CCDC32: variants seen among roughly 807,000 people sequenced by gnomAD.
CCDC32 encodes the protein coiled-coil domain containing 32, also known as coiled-coil domain-containing protein 32.
CCDC32 carries 9 observed loss-of-function variants against 20.1 expected under a neutral mutation model. The observed-to-expected ratio is 0.45, with a 90% CI of 0.27 to 0.78. CCDC32 has a LOEUF of 0.78. CCDC32 is among the 30% of genes least tolerant of loss of function. The pLI is 0.16. For synonymous variants in CCDC32, 63 were observed against 79.0 expected (o/e 0.80, Z 1.07); for missense variants, 204 against 215.5 (o/e 0.95, Z 0.33).
downstream of CCDC32, among the ~76,000 whole-genome samples, chr15:40,524,739 C>CTTTTTTTTTTTTTTTTTTT (rs758786719): frequency 1.0e-5 from 1 of 95,244 alleles, no homozygotes; most frequent in African/African-American, 5.7e-5. Context: ...CTTTTTCTTT[C>CTTTTTTTTTTTTTTTTTTT]TTTTTTTTTT....
At chr15:40,534,719 CTGGCCCCTTTTTGTAAGGGCACT>C, downstream of CCDC32, 1 of 594,218 alleles carries the variant, frequency 1.7e-6, no homozygotes, top group Non-Finnish European at 3.0e-6. Context: ...AGCTAGGTCT[CTGGCCCCTTTTTGTAAGGGCACT>C]AATCCCATTG....
chr15:40,562,753 C>G lies in CCDC32; in HGVS notation c.244+19G>C. The G allele has an allele frequency of 6.2e-7, 1 of 1,606,968 alleles. No individual in the cohort carries two copies. On this transcript the variant is annotated intron_variant, in intron 2 of 3. Coordinates refer to ENST00000416810, the MANE Select transcript of CCDC32 (RefSeq NM_001080792.4). ...TGTAACAGAACTTCAATATGCTTCC[C>G]TAGAGCCGTCAAACTTACCTAGAGA... is the stretch of plus-strand genomic sequence containing the variant.
intron 3 of CCDC32, chr15:40,539,399 G>A: frequency 6.8e-7 from 1 of 1,471,606 alleles, no homozygotes; most frequent in Non-Finnish European, 9.2e-7. Flanking sequence ...AAGATAGACA[G>A]ATACAGTCAG....
rs187163803 is a variant in CCDC32, at chr15:40,539,410, A to T, written c.402-55T>A. The T allele has an allele frequency of 4.2e-6, 6 of 1,418,792 alleles. No homozygotes were observed. In the African/African-American group the frequency reaches 7.1e-5, roughly 17 times the overall value. The allele number at this position is 1,418,792 out of a possible 1,614,324, so 87.9% of individuals were successfully genotyped here. A position where few individuals can be genotyped will look rare whatever the true frequency, so the allele number is the denominator to read the frequency against. ...GAGGAAGATAGACAGATACAGTCAG[A>T]GGCACACACTAACAGAGTCAAAGAG... On this transcript the variant is annotated intron_variant, in intron 3 of 3. Transcript: ENST00000558113.
downstream of CCDC32, among the ~76,000 whole-genome samples, chr15:40,530,849 T>C (rs954041341): frequency 2.1e-4 from 32 of 151,116 alleles, no homozygotes; most frequent in African/African-American, 6.8e-4. Flanking sequence ...GTAGCTGGGA[T>C]TATAGGCGTG....
At chr15:40,532,112 T>C, downstream of CCDC32, 1 of 517,190 alleles carries the variant, frequency 1.9e-6, no homozygotes, top group East Asian at 3.1e-5. Flanking sequence ...TTATGGGTTC[T>C]CGCTCAAGGT....
chr15:40,553,583 C>T lies in CCDC32; in HGVS notation c.*388G>A, dbSNP rs532582253. ...GGAAGAGGCAAGAAAATATATGGCT[C>T]ACTTAACTTACACATTACACATAAG... On this transcript the variant is annotated 3_prime_UTR_variant, in exon 4 of 4. Transcript: ENST00000416810. 19 of 999,186 alleles carry T rather than the reference C, an allele frequency of 1.9e-5. No homozygotes were observed. In the South Asian group the frequency reaches 6.0e-4, roughly 32 times the overall value. 61.9% of individuals were successfully genotyped at this position (999,186 alleles called of 1,614,324 possible).
rs57640161 is a variant in CCDC32, at chr15:40,547,002, CTA to C, written c.402-7649_402-7648del. 3.4e-3 allele frequency among the ~76,000 whole-genome samples: 515 copies of C among 152,256 alleles called. 4 individuals carry two copies. Among genetic ancestry groups the C allele is most frequent in the African/African-American group, 0.012 (497 of 41,542 alleles). Reference sequence around the variant, plus strand: ...ACAAGTGTGAGCCATAGCGCCTGACCTATGTTTTGCAGTTTTTTAACTGAATG... The same window carrying C: ...ACAAGTGTGAGCCATAGCGCCTGACCTGTTTTGCAGTTTTTTAACTGAATG... On this transcript the variant is annotated intron_variant, in intron 3 of 3. Transcript: ENST00000558113.
At position 40,557,322 on chromosome 15, in the gene CCDC32, C is replaced by A. The variant is rs764342494; in HGVS notation, c.295G>T (p.Asp99Tyr). 2 of 1,613,892 alleles carry A rather than the reference C, an allele frequency of 1.2e-6. No individual in the cohort carries two copies. Among genetic ancestry groups the A allele is most frequent in the Non-Finnish European group, 1.7e-6 (2 of 1,179,962 alleles). ...GCTTGGGCCAGAGTTCGAAGCATGT[C>A]CTTGGAAGTCACTTCCTGATTTAAA... ...KGLNQEVTSK[D>Y]MLRTLAQAKK... The change falls in exon 3 of 4, where the codon GAC (aspartate) becomes TAC (tyrosine). Residue 99 changes from aspartate (D) to tyrosine (Y), a missense_variant. By Grantham distance (160) the Asp-to-Tyr change is radical. Coordinates refer to ENST00000416810, the MANE Select transcript of CCDC32 (RefSeq NM_001080792.4).
At chr15:40,552,771 C>CAAAAAAAAAAAAAAAAAAAAAAAAAAAA (rs10675441), downstream of CCDC32, 1 of 68,778 alleles carries the variant, frequency 1.5e-5, no homozygotes, top group Non-Finnish European at 2.8e-5. Flanking sequence ...AGTGCGACCT[C>CAAAAAAAAAAAAAAAAAAAAAAAAAAAA]AAAAAAAAAA....
rs117596775 is a variant in CCDC32, at chr15:40,540,723, C to T, written c.402-1368G>A. Among the ~76,000 whole-genome samples the T allele has an allele frequency of 4.2e-4, 64 of 152,188 alleles. 1 individual carries two copies. In the East Asian group the frequency reaches 5.8e-3, roughly 14 times the overall value. ...CTGTCAATACAGGAAACTCTGGGGCCGGGCCAGTCTCTCATCTATCCTAAC... is the reference window on the plus strand; with the variant it reads ...CTGTCAATACAGGAAACTCTGGGGCTGGGCCAGTCTCTCATCTATCCTAAC... On this transcript the variant is annotated intron_variant, in intron 3 of 3. Transcript: ENST00000558113.
At chr15:40,528,794 T>C (rs767534439) in intron 3 of CCDC32, 117 of 697,742 alleles carry the variant, frequency 1.7e-4, no homozygotes, top group Non-Finnish European at 2.8e-4. Context: ...CAAAAAACTA[T>C]TAAAAAAAAG....
At chr15:40,550,845 A>C (rs1889822947), downstream of CCDC32, among the ~76,000 whole-genome samples, 1 of 152,152 alleles carries the variant, frequency 6.6e-6, no homozygotes, top group Non-Finnish European at 1.5e-5. Context: ...CTCATATTCC[A>C]ATTTCTGTTT....
Position 40,553,456 on chromosome 15 carries a change from C to T in CCDC32, c.*515G>A, listed in dbSNP as rs921279188. 2.0e-6 allele frequency: 2 copies of T among 985,870 alleles called. No individual in the cohort carries two copies. Among genetic ancestry groups the T allele is most frequent in the African/African-American group, 3.5e-5 (2 of 57,222 alleles). The allele number at this position is 985,870 out of a possible 1,614,324, so 61.1% of individuals were successfully genotyped here. ...ACTTACTACAGATTTGTTAGAGAAG[C>T]CCCAGATGGGGCTTGGATTCAAGGA... On this transcript the variant is annotated 3_prime_UTR_variant, in exon 4 of 4. Transcript: ENST00000416810.
intron 3 of CCDC32, among the ~76,000 whole-genome samples, chr15:40,539,840 CCA>C (rs142688774): frequency 0.069 from 9,225 of 134,522 alleles, 366 homozygotes; most frequent in Non-Finnish European, 0.08. Flanking sequence ...CAAACTGTTG[CCA>C]CACACACACA....
downstream of CCDC32, chr15:40,552,722 C>G (rs2141628537): frequency 8.9e-6 from 1 of 111,812 alleles, no homozygotes; most frequent in South Asian, 3.1e-4. Flanking sequence ...TTACAGTGAA[C>G]TATATGATTG....
downstream of CCDC32, chr15:40,552,771 C>CAAAAAAAAAAAAAAAAAAAAAAAAAA (rs10675441): frequency 7.3e-5 from 5 of 68,778 alleles, 2 homozygotes; most frequent in Non-Finnish European, 1.1e-4. Context: ...AGTGCGACCT[C>CAAAAAAAAAAAAAAAAAAAAAAAAAA]AAAAAAAAAA....
chr15:40,560,150 T>C (rs956799710), intron 2 of CCDC32, among the ~76,000 whole-genome samples: 4 of 152,124 alleles, frequency 2.6e-5, no homozygotes, highest in Admixed American at 6.5e-5. Context: ...GCTGGGACTA[T>C]AGGTGTGCGC....
In CCDC32 at chr15:40,554,272, C is replaced by T. The variant is rs562772161; in HGVS notation, c.402-145G>A. Reference sequence around the variant, plus strand: ...TTTTTCACTGCTAAACTGGGAAGTACAAGGATACTCCTAATGGCAGCTGTG... The same window carrying T: ...TTTTTCACTGCTAAACTGGGAAGTATAAGGATACTCCTAATGGCAGCTGTG... On this transcript the variant is annotated intron_variant, in intron 3 of 3. Coordinates refer to ENST00000416810, the MANE Select transcript of CCDC32 (RefSeq NM_001080792.4). The T allele has an allele frequency of 2.5e-5, 30 of 1,198,824 alleles. No individual in the cohort carries two copies. The East Asian group carries it at 7.1e-4, about 28-fold the overall frequency. 74.3% of individuals were successfully genotyped at this position (1,198,824 alleles called of 1,614,324 possible).
Sources: gnomAD v4.1 joint callset for allele counts (sites outside exome capture counted in the v4.1 genomes callset) on GRCh38, gnomAD v4.1.1 for gene constraint, MANE v1.5 for transcripts, NCBI Gene and HGNC (gene_info 2026-07-23, HGNC 2026-07-21) for gene names.